Variants in PRKN observed in about 807,000 individuals in gnomAD.
The protein encoded by PRKN is E3 ubiquitin-protein ligase parkin.
In PRKN, 56 loss-of-function variants were observed where a neutral mutation model predicts 59.5. The ratio of observed to expected loss-of-function variants is 0.94; its 90% CI spans 0.76 to 1.18. The LOEUF (loss-of-function observed/expected upper bound fraction) is 1.18. Among genes scored for constraint, PRKN ranks in the 50% most tolerant of loss-of-function variants. PRKN has a pLI of 0.00. For missense variants in PRKN, 657 were observed against 596.4 expected (o/e 1.10, Z -1.06); for synonymous variants, 250 against 222.1 (o/e 1.13, Z -1.12).
intron 7 of PRKN, among the ~76,000 whole-genome samples, chr6:161,725,632 A>G (rs554770426): frequency 6.6e-6 from 1 of 152,284 alleles, no homozygotes; most frequent in African/African-American, 2.4e-5. Context: ...TGTGGCAGTC[A>G]TTATTGCCAA....
At chr6:162,370,659 A>G (rs1204963610) in intron 2 of PRKN, among the ~76,000 whole-genome samples, 1 of 152,220 alleles carries the variant, frequency 6.6e-6, no homozygotes, top group East Asian at 1.9e-4. Context: ...ATTCACGTTT[A>G]CTTATTCCAT....
At chr6:162,705,286 C>T (rs1778299903) in intron 1 of PRKN, among the ~76,000 whole-genome samples, 1 of 152,122 alleles carries the variant, frequency 6.6e-6, no homozygotes, top group Admixed American at 6.5e-5. Context: ...TTCAGAAGAA[C>T]ACTGTTTTAG....
chr6:162,614,358 C>A (rs2155503), intron 1 of PRKN, among the ~76,000 whole-genome samples: 29,591 of 151,958 alleles, frequency 0.19, 3,520 homozygotes, highest in East Asian at 0.47. Flanking sequence ...GGCAAAGGGC[C>A]ACATTGTCTG....
At chr6:161,583,247 A>G (rs1781409033) in intron 7 of PRKN, among the ~76,000 whole-genome samples, 1 of 152,228 alleles carries the variant, frequency 6.6e-6, no homozygotes, top group South Asian at 2.1e-4. Flanking sequence ...ACTTTCAGGA[A>G]CAATGAAAAA....
At chr6:162,301,023 G>GA (rs1353068972) in intron 2 of PRKN, among the ~76,000 whole-genome samples, 4 of 149,522 alleles carry the variant, frequency 2.7e-5, no homozygotes, top group Non-Finnish European at 3.0e-5. Flanking sequence ...TATAACTTCT[G>GA]AAAAAAAGAG....
intron 7 of PRKN, 109 bp downstream of exon 7, chr6:161,785,663 T>G (rs1168748674): frequency 2.8e-6 from 3 of 1,070,836 alleles, no homozygotes; most frequent in Non-Finnish European, 4.2e-6. Flanking sequence ...ATGATCAAAT[T>G]TAAATTCTTC....
intron 6 of PRKN, among the ~76,000 whole-genome samples, chr6:161,851,857 C>A (rs182799108): frequency 6.6e-6 from 1 of 151,222 alleles, no homozygotes; most frequent in Non-Finnish European, 1.5e-5. Flanking sequence ...GAGGCCGAGG[C>A]GGGCGGATCA....
chr6:162,444,044 A>T (rs1373197467), intron 1 of PRKN, among the ~76,000 whole-genome samples: 1 of 151,954 alleles, frequency 6.6e-6, no homozygotes, highest in Non-Finnish European at 1.5e-5. Flanking sequence ...TTTGGCAGGG[A>T]GGGGGTGGAG....
chr6:161,744,690 C>T (rs990510516), intron 7 of PRKN, among the ~76,000 whole-genome samples: 8 of 152,182 alleles, frequency 5.3e-5, no homozygotes, highest in African/African-American at 1.2e-4. Flanking sequence ...ACTGTACTGA[C>T]GCTCCTAGCT....
intron 1 of PRKN, among the ~76,000 whole-genome samples, chr6:162,605,071 C>A (rs1194072357): frequency 6.6e-6 from 1 of 152,074 alleles, no homozygotes; most frequent in Non-Finnish European, 1.5e-5. Flanking sequence ...ATATCACTTG[C>A]CAAAAGTGAT....
intron 2 of PRKN, among the ~76,000 whole-genome samples, chr6:162,322,939 G>T (rs1562669750): frequency 6.6e-6 from 1 of 151,726 alleles, no homozygotes; most frequent in South Asian, 2.1e-4. Context: ...GATGAAATTG[G>T]AAATCATCAT....
intron 1 of PRKN, among the ~76,000 whole-genome samples, chr6:162,616,685 A>T (rs1451189488): frequency 6.6e-6 from 1 of 152,206 alleles, no homozygotes; most frequent in Non-Finnish European, 1.5e-5. Context: ...TGTACAGCAC[A>T]AAATTGCTAC....
intron 2 of PRKN, among the ~76,000 whole-genome samples, chr6:162,266,746 T>C (rs9355995): frequency 0.028 from 4,318 of 152,274 alleles, 79 homozygotes; most frequent in East Asian, 0.062. Flanking sequence ...TTTAAGGAAA[T>C]GTAAAGAGCT....
intron 4 of PRKN, among the ~76,000 whole-genome samples, chr6:162,067,969 T>A (rs1482367803): frequency 6.6e-6 from 1 of 152,204 alleles, no homozygotes; most frequent in Non-Finnish European, 1.5e-5. Context: ...TACAGTGAAA[T>A]CCTTGCTAAC....
At chr6:161,696,731 T>C (rs1786038788) in intron 7 of PRKN, among the ~76,000 whole-genome samples, 1 of 152,210 alleles carries the variant, frequency 6.6e-6, no homozygotes, top group African/African-American at 2.4e-5. Flanking sequence ...GTTAAGATTA[T>C]TTCAGAAGCA....
At chr6:162,704,380 G>A (rs183483247) in intron 1 of PRKN, among the ~76,000 whole-genome samples, 31 of 152,228 alleles carry the variant, frequency 2.0e-4, no homozygotes, top group African/African-American at 7.5e-4. Flanking sequence ...TTAGAAGATT[G>A]AGCACCAGGG....
At chr6:161,825,888 ACCAACTGTGGCTCTTTAGGGCC>A (rs983591903) in intron 6 of PRKN, among the ~76,000 whole-genome samples, 1 of 152,142 alleles carries the variant, frequency 6.6e-6, no homozygotes, top group African/African-American at 2.4e-5. Context: ...CCTGCTAAGG[ACCAACTGTGGCTCTTTAGGGCC>A]CCTGAAGCTG....
rs1391296125 is a variant in PRKN, at chr6:161,526,276, T to A, written c.1083+22578A>T. On this transcript the variant is annotated intron_variant, in intron 9 of 11. Transcript: ENST00000366898. This position sits in a 1 kb window ranked among gnomAD's most constrained non-coding sequence, Gnocchi z 4.1. ...GGCTCCAGCCTCCAGTAGACACTCA[T>A]GTGTTCAGACACATGCATGTGCGTG... Among the ~76,000 whole-genome samples, 1 of 152,254 alleles carries A rather than the reference T, an allele frequency of 6.6e-6. No individual in the cohort carries two copies. The highest frequency in any genetic ancestry group is 1.5e-5 in the Non-Finnish European group (1 of 68,046).
intron 6 of PRKN, among the ~76,000 whole-genome samples, chr6:161,947,650 G>A (rs999613202): frequency 3.9e-5 from 6 of 152,246 alleles, no homozygotes; most frequent in Admixed American, 6.5e-5. Context: ...TAGTTGATTC[G>A]CAAGAAAGAA....
Sources: allele counts gnomAD v4.1 joint callset (sites outside exome capture counted in the v4.1 genomes callset), GRCh38; gene constraint gnomAD v4.1.1; non-coding constraint Gnocchi (gnomAD v3.1); transcripts MANE v1.5; gene names NCBI Gene and HGNC (gene_info 2026-07-23, HGNC 2026-07-21).